The following CPNE5 variants were observed in gnomAD, a reference collection of about 807,000 sequenced individuals.
CPNE5 encodes the protein copine 5.
CPNE5 carries 42 observed loss-of-function variants against 81.1 expected under a neutral mutation model. That is an observed-to-expected ratio of 0.52 (90% CI 0.40 to 0.67). The LOEUF is 0.67. Ranked by LOEUF, CPNE5 falls within the 30% of genes least tolerant of loss-of-function variation. CPNE5 has a pLI of 0.00. For synonymous variants in CPNE5, 313 were observed against 321.5 expected (o/e 0.97, Z 0.28); for missense variants, 612 against 815.5 (o/e 0.75, Z 3.04).
chr6:36,822,530 G>A (rs1561821500), intron 2 of CPNE5, among the ~76,000 whole-genome samples: 3 of 152,174 alleles, frequency 2.0e-5, no homozygotes, highest in South Asian at 4.1e-4. Context: ...GTAGACGGGT[G>A]GGTGTGATGG....
chr6:36,773,931 T>C (rs1264596003), intron 10 of CPNE5, among the ~76,000 whole-genome samples: 2 of 152,070 alleles, frequency 1.3e-5, no homozygotes, highest in Non-Finnish European at 2.9e-5. Context: ...CCGGGCGTGG[T>C]GGTGCATGGT....
intron 18 of CPNE5, 54 bp downstream of exon 18, chr6:36,744,994 C>T (rs554200272): frequency 1.3e-5 from 16 of 1,247,684 alleles, no homozygotes; most frequent in African/African-American, 2.9e-5. Flanking sequence ...GTTCCCCTAA[C>T]GGGGAGGAAG....
Position 36,800,039 on chromosome 6 carries a change from A to G in CPNE5, c.215T>C (p.Leu72Pro). The change falls in exon 4 of 21, where the codon CTC becomes CCC. Residue 72 changes from leucine (L) to proline (P), a missense_variant. Transcript: ENST00000244751. ...FGRTEVIDNTLNPDFVRKFIV... is the reference protein window; with the variant it reads ...FGRTEVIDNTPNPDFVRKFIV... ...GAACTTGCGCACGAAGTCAGGATTGAGCGTGTTGTCGATGACTTCGGTGCG... is the reference window on the plus strand; with the variant it reads ...GAACTTGCGCACGAAGTCAGGATTGGGCGTGTTGTCGATGACTTCGGTGCG... 1 of 1,613,986 alleles carries G rather than the reference A, an allele frequency of 6.2e-7. No individual in the cohort carries two copies. Among genetic ancestry groups the G allele is most frequent in the Non-Finnish European group, 8.5e-7 (1 of 1,179,996 alleles).
intron 15 of CPNE5, among the ~76,000 whole-genome samples, chr6:36,747,463 G>A (rs535927737): frequency 9.2e-5 from 14 of 152,256 alleles, no homozygotes; most frequent in African/African-American, 3.4e-4. Flanking sequence ...GGATTGATGT[G>A]AATATTACAC....
chr6:36,789,976 T>C (rs1045141856), intron 8 of CPNE5, among the ~76,000 whole-genome samples: 3 of 152,210 alleles, frequency 2.0e-5, no homozygotes, highest in Admixed American at 6.5e-5. Flanking sequence ...TCTGTGTTCG[T>C]GTGTCTTATT....
chr6:36,822,165 G>GT lies in CPNE5; in HGVS notation c.137-6_137-5insA. 2.1e-6 allele frequency: 3 copies of GT among 1,455,068 alleles called. No homozygotes were observed. The highest frequency in any genetic ancestry group is 1.8e-6 in the Non-Finnish European group (2 of 1,085,510). The allele number at this position is 1,455,068 out of a possible 1,614,324, so 90.1% of individuals were successfully genotyped here. On this transcript the variant is annotated splice_region_variant and splice_polypyrimidine_tract_variant and intron_variant, in intron 2 of 20. Coordinates refer to ENST00000244751, the MANE Select transcript of CPNE5 (RefSeq NM_020939.2). Reference sequence around the variant, plus strand: ...CTTGGGTATACATGACGCACACTGCGGGGGGAGGAGAAACAGTGGATTAAT... The same window carrying GT: ...CTTGGGTATACATGACGCACACTGCGTGGGGGAGGAGAAACAGTGGATTAAT...
intron 9 of CPNE5, among the ~76,000 whole-genome samples, chr6:36,777,510 G>A (rs980721692): frequency 2.0e-5 from 3 of 152,132 alleles, no homozygotes; most frequent in African/African-American, 7.2e-5. Flanking sequence ...CCTCCCTGGA[G>A]GGGGCCTGTG....
chr6:36,759,868 G>A (rs1222582078), intron 12 of CPNE5, among the ~76,000 whole-genome samples: 4 of 151,736 alleles, frequency 2.6e-5, no homozygotes, highest in African/African-American at 9.7e-5. Flanking sequence ...GAAGGGGCAG[G>A]GGCCAGCTCC....
intron 1 of CPNE5, among the ~76,000 whole-genome samples, chr6:36,834,971 T>C (rs1773347408): frequency 6.6e-6 from 1 of 152,096 alleles, no homozygotes; most frequent in Admixed American, 6.5e-5. Context: ...GCTGCCTCTC[T>C]GGCTCCAGGG....
chr6:36,822,026 C>T (rs962777709), intron 3 of CPNE5, 88 bp downstream of exon 3: 9 of 1,257,424 alleles, frequency 7.2e-6, no homozygotes, highest in Non-Finnish European at 9.9e-6. Flanking sequence ...CAGTTAGAAA[C>T]ATGTCAGGGA....
At chr6:36,783,899 A>G (rs1159064966) in intron 8 of CPNE5, among the ~76,000 whole-genome samples, 1 of 152,208 alleles carries the variant, frequency 6.6e-6, no homozygotes, top group East Asian at 1.9e-4. Flanking sequence ...AAGAGGCGCT[A>G]AGATGGGAAC....
chr6:36,771,767 G>A (rs1433298149), intron 10 of CPNE5, among the ~76,000 whole-genome samples: 1 of 152,000 alleles, frequency 6.6e-6, no homozygotes, highest in African/African-American at 2.4e-5. Context: ...TGCCTACCCT[G>A]GAGGGCCTTC....
At chr6:36,772,726 C>T (rs1466348290) in intron 10 of CPNE5, among the ~76,000 whole-genome samples, 2 of 152,228 alleles carry the variant, frequency 1.3e-5, no homozygotes, top group African/African-American at 4.8e-5. Flanking sequence ...GGGGTTTCTT[C>T]GGAGTGTAAC....
At chr6:36,759,455 G>A (rs556076230) in intron 12 of CPNE5, among the ~76,000 whole-genome samples, 1 of 151,756 alleles carries the variant, frequency 6.6e-6, no homozygotes, top group Non-Finnish European at 1.5e-5. Context: ...CGCACATTAG[G>A]TGGGGTGGGT....
chr6:36,743,586 C>T (rs1763770790), intron 20 of CPNE5, 103 bp downstream of exon 20: 3 of 1,154,900 alleles, frequency 2.6e-6, no homozygotes, highest in Admixed American at 1.8e-5. Flanking sequence ...CAGTGCCTCC[C>T]TTCTGGGCCC....
At chr6:36,815,490 C>T (rs1323273990) in intron 3 of CPNE5, among the ~76,000 whole-genome samples, 2 of 152,196 alleles carry the variant, frequency 1.3e-5, no homozygotes, top group African/African-American at 4.8e-5. Flanking sequence ...GTGTTCATCC[C>T]TCCCACCATG....
chr6:36,812,984 C>T (rs914311280), intron 3 of CPNE5, among the ~76,000 whole-genome samples: 7 of 152,228 alleles, frequency 4.6e-5, no homozygotes, highest in Non-Finnish European at 2.9e-5. Flanking sequence ...ATGACCAAGG[C>T]CAGGTCACCA....
intron 6 of CPNE5, among the ~76,000 whole-genome samples, chr6:36,794,965 T>G (rs2150515416): frequency 6.6e-6 from 1 of 152,232 alleles, no homozygotes; most frequent in East Asian, 1.9e-4. Context: ...CCCAGCAATC[T>G]TTGGTGACAC....
At chr6:36,757,391 G>A (rs1266398473) in intron 12 of CPNE5, 7 of 984,518 alleles carry the variant, frequency 7.1e-6, no homozygotes, top group Admixed American at 6.2e-5. Flanking sequence ...CTGTCTGGGT[G>A]AGTATTGCTA....
Sources: gnomAD v4.1 joint callset for allele counts (sites outside exome capture counted in the v4.1 genomes callset) on GRCh38, gnomAD v4.1.1 for gene constraint, MANE v1.5 for transcripts, NCBI Gene and HGNC (gene_info 2026-07-23, HGNC 2026-07-21) for gene names.